PARD3B: variants seen among roughly 807,000 people sequenced by gnomAD.
PARD3B encodes the protein par-3 family cell polarity regulator beta, also known as partitioning defective 3 homolog B.
In PARD3B, 103 loss-of-function variants were observed where a neutral mutation model predicts 130.2. The ratio of observed to expected loss-of-function variants is 0.79; its 90% confidence interval spans 0.67 to 0.93. The LOEUF is 0.93. Among genes scored for constraint, PARD3B ranks in the 40% least tolerant of loss-of-function variants. PARD3B has a pLI of 0.00. For synonymous variants in PARD3B, 583 were observed against 553.2 expected (o/e 1.05, Z -0.76); for missense variants, 1,609 against 1,499.2 (o/e 1.07, Z -1.21).
chr2:204,850,055 G>C (rs1226844846), intron 2 of PARD3B, among the ~76,000 whole-genome samples: 1 of 152,156 alleles, frequency 6.6e-6, no homozygotes, highest in Non-Finnish European at 1.5e-5. Flanking sequence ...TTTGGAGCTG[G>C]CACATGTTAA....
chr2:205,147,676 G>A (rs7562665), intron 10 of PARD3B, among the ~76,000 whole-genome samples: 1 of 151,842 alleles, frequency 6.6e-6, no homozygotes, highest in African/African-American at 2.4e-5. Context: ...CATATCTGTC[G>A]TCGAAAATTA....
chr2:204,583,930 T>C (rs2032704349), intron 1 of PARD3B, among the ~76,000 whole-genome samples: 1 of 152,264 alleles, frequency 6.6e-6, no homozygotes, highest in South Asian at 2.1e-4. Context: ...AGCTTGCTGC[T>C]GCCAGTGAGG....
rs538296144 is a variant in PARD3B, at chr2:204,943,306, G to A, written c.223-21846G>A. On this transcript the variant is annotated intron_variant, in intron 2 of 22. Coordinates refer to ENST00000406610, the MANE Select transcript of PARD3B (RefSeq NM_001302769.2). This position sits in a 1 kb window ranked among gnomAD's most constrained non-coding sequence, Gnocchi z 4.2. ...GGACGGTGACTGGAAAGATCGCATA[G>A]GTCACGAGGATCTTCCTATGACCTA... 6.6e-6 allele frequency among the ~76,000 whole-genome samples: 1 copy of A among 152,078 alleles called. No individual in the cohort carries two copies. Among genetic ancestry groups the A allele is most frequent in the African/African-American group, 2.4e-5 (1 of 41,476 alleles).
chr2:205,060,038 G>A (rs981650179), intron 4 of PARD3B, among the ~76,000 whole-genome samples: 2 of 152,036 alleles, frequency 1.3e-5, no homozygotes, highest in African/African-American at 4.8e-5. Context: ...TTAGATCACA[G>A]AACTAACAAG....
intron 22 of PARD3B, among the ~76,000 whole-genome samples, chr2:205,579,440 G>T (rs1176679968): frequency 3.3e-5 from 5 of 152,152 alleles, no homozygotes; most frequent in African/African-American, 1.2e-4. Flanking sequence ...TCCCCAAAGG[G>T]GTGTCTGTGC....
At chr2:205,357,250 C>T (rs10207629) in intron 18 of PARD3B, among the ~76,000 whole-genome samples, 4,678 of 152,230 alleles carry the variant, frequency 0.031, 224 homozygotes, top group African/African-American at 0.11. Flanking sequence ...CTAGGAGTTT[C>T]GGGTGTGTAT....
chr2:205,456,820 T>A (rs2048291517), intron 20 of PARD3B, among the ~76,000 whole-genome samples: 1 of 149,816 alleles, frequency 6.7e-6, no homozygotes, highest in Non-Finnish European at 1.5e-5. Context: ...TATATATTTT[T>A]AATTGTATTA....
At chr2:204,996,485 G>A (rs1694190663) in intron 3 of PARD3B, among the ~76,000 whole-genome samples, 1 of 152,178 alleles carries the variant, frequency 6.6e-6, no homozygotes, top group African/African-American at 2.4e-5. Flanking sequence ...TCTCTTCAAA[G>A]CTGTCAGACA....
At chr2:205,404,158 G>T (rs887911050) in intron 19 of PARD3B, among the ~76,000 whole-genome samples, 2 of 151,948 alleles carry the variant, frequency 1.3e-5, no homozygotes, top group African/African-American at 4.8e-5. Context: ...CCATATCCAC[G>T]TCTTCCACAT....
At chr2:204,815,926 C>T (rs893925632) in intron 2 of PARD3B, among the ~76,000 whole-genome samples, 9 of 151,952 alleles carry the variant, frequency 5.9e-5, no homozygotes, top group Non-Finnish European at 1.0e-4. Flanking sequence ...ATTCTGCTAT[C>T]GTTGGACACA....
At position 205,183,386 on chromosome 2, in the gene PARD3B, G is replaced by A. The variant is rs377215441; in HGVS notation, c.1925-2378G>A. Among the ~76,000 whole-genome samples the A allele has an allele frequency of 5.3e-5, 8 of 152,086 alleles. No individual in the cohort carries two copies. The highest frequency in any genetic ancestry group is 1.9e-4 in the African/African-American group (8 of 41,552). ...GAGAGGTTGAGGATAGAAGATGAGA[G>A]CCAACAGAAAGGAAGTTGTCCCAGG... On this transcript the variant is annotated intron_variant, in intron 13 of 22. Coordinates refer to ENST00000406610, the MANE Select transcript of PARD3B (RefSeq NM_001302769.2). The surrounding 1 kb of genome is among the most constrained non-coding windows in gnomAD (Gnocchi z 5.2).
chr2:205,130,932 T>C (rs1559469793), intron 10 of PARD3B, among the ~76,000 whole-genome samples: 1 of 152,172 alleles, frequency 6.6e-6, no homozygotes, highest in East Asian at 1.9e-4. Flanking sequence ...GAGCTTAGTG[T>C]AGTCCAACAC....
intron 4 of PARD3B, among the ~76,000 whole-genome samples, chr2:205,068,977 A>G (rs951967968): frequency 8.6e-5 from 13 of 152,002 alleles, no homozygotes; most frequent in African/African-American, 2.9e-4. Flanking sequence ...ACATGAAAAC[A>G]TGTCTCCTAC....
intron 21 of PARD3B, among the ~76,000 whole-genome samples, chr2:205,533,254 A>G (rs960804451): frequency 6.6e-6 from 1 of 152,212 alleles, no homozygotes; most frequent in Admixed American, 6.5e-5. Context: ...GAAAATAATG[A>G]TCATAAATAA....
rs1298966329 is a variant in PARD3B at position 205,281,361 on chromosome 2, G to A, written c.2186-19169G>A. On this transcript the variant is annotated intron_variant, in intron 16 of 22. Transcript: ENST00000406610. The surrounding 1 kb of genome is among the most constrained non-coding windows in gnomAD (Gnocchi z 4.2). ...GCAAGGTGGAGCCAGGGACCAACTC[G>A]AGTGACCCATCTTGTAGGTCCCACA... is the stretch of plus-strand genomic sequence containing the variant. 6.6e-6 allele frequency among the ~76,000 whole-genome samples: 1 copy of A among 152,164 alleles called. No homozygotes were observed. The highest frequency in any genetic ancestry group is 1.5e-5 in the Non-Finnish European group (1 of 68,020).
rs1474990049 is a variant in PARD3B, at chr2:205,473,497, T to C, written c.3045-26399T>C. On this transcript the variant is annotated intron_variant, in intron 20 of 22. Coordinates refer to ENST00000406610, the MANE Select transcript of PARD3B (RefSeq NM_001302769.2). The surrounding 1 kb of genome is among the most constrained non-coding windows in gnomAD (Gnocchi z 4.9). ...CAATACCAAATTGTTTATACACTGC[T>C]GGTTTTCTGCTGCCTGACAGTAGGG... 6.6e-6 allele frequency among the ~76,000 whole-genome samples: 1 copy of C among 151,886 alleles called. No individual in the cohort carries two copies. Among genetic ancestry groups the C allele is most frequent in the African/African-American group, 2.4e-5 (1 of 41,396 alleles).
intron 16 of PARD3B, among the ~76,000 whole-genome samples, chr2:205,273,985 C>T (rs1348458102): frequency 6.6e-6 from 1 of 152,130 alleles, no homozygotes; most frequent in Non-Finnish European, 1.5e-5. Context: ...AGAGCACACA[C>T]CACCATGAGT....
At chr2:205,549,626 G>A (rs2052529271) in intron 21 of PARD3B, among the ~76,000 whole-genome samples, 1 of 152,156 alleles carries the variant, frequency 6.6e-6, no homozygotes, top group Non-Finnish European at 1.5e-5. Flanking sequence ...CCAGGACCTG[G>A]GGGAAGGAGT....
At chr2:204,789,875 T>TTC (rs1559146453) in intron 2 of PARD3B, among the ~76,000 whole-genome samples, 62 of 97,550 alleles carry the variant, frequency 6.4e-4, no homozygotes, top group African/African-American at 4.3e-3. Flanking sequence ...TTTTCTTCTT[T>TTC]TTTTTTTTTT....
Sources: gnomAD v4.1 joint callset for allele counts (sites outside exome capture counted in the v4.1 genomes callset) on GRCh38, gnomAD v4.1.1 for gene constraint, Gnocchi (gnomAD v3.1) non-coding constraint, MANE v1.5 for transcripts, NCBI Gene and HGNC (gene_info 2026-07-23, HGNC 2026-07-21) for gene names.